SMPD3: variants seen among roughly 807,000 people sequenced by gnomAD.
SMPD3 encodes the protein sphingomyelin phosphodiesterase 3, also known as nSMase-2.
Under a neutral mutation model 55.7 loss-of-function variants are expected in SMPD3, and 21 were observed. The ratio of observed to expected loss-of-function variants is 0.38; its 90% CI spans 0.27 to 0.54. SMPD3 has a LOEUF of 0.54. Ranked by LOEUF, SMPD3 falls within the 20% of genes least tolerant of loss-of-function variation. The probability of loss-of-function intolerance (pLI) is 0.80; values close to 1 mark genes in which losing one functional copy is unlikely to be tolerated. For missense variants in SMPD3, 842 were observed against 899.6 expected (o/e 0.94, Z 0.82); for synonymous variants, 457 against 404.3 (o/e 1.13, Z -1.56).
intron 1 of SMPD3, among the ~76,000 whole-genome samples, chr16:68,398,785 G>A (rs893502630): frequency 6.6e-6 from 1 of 152,180 alleles, no homozygotes; most frequent in Non-Finnish European, 1.5e-5. Flanking sequence ...TGAGAAAAAC[G>A]TGGACCTATG....
At position 68,372,273 on chromosome 16, in the gene SMPD3, C is replaced by A; in HGVS notation, c.-92G>T. On this transcript the variant is annotated 5_prime_UTR_variant, in exon 3 of 9. Transcript: ENST00000219334. ...TGGGCGAGGGTGGGCGAGTTGGGGG[C>A]AGCTGGAGGAGGGGTCACCTCCTGG... 6.6e-7 allele frequency: 1 copy of A among 1,517,110 alleles called. No homozygotes were observed. Among genetic ancestry groups the A allele is most frequent in the South Asian group, 1.2e-5 (1 of 80,564 alleles). 94.0% of individuals were successfully genotyped at this position (1,517,110 alleles called of 1,614,324 possible).
chr16:68,440,990 A>G (rs1034982001), intron 1 of SMPD3, among the ~76,000 whole-genome samples: 4 of 152,204 alleles, frequency 2.6e-5, no homozygotes, highest in African/African-American at 9.7e-5. Flanking sequence ...TCTGCCAGAA[A>G]ATAGGGGCCG....
At chr16:68,396,689 C>G (rs890192890) in intron 1 of SMPD3, among the ~76,000 whole-genome samples, 2 of 152,214 alleles carry the variant, frequency 1.3e-5, no homozygotes, top group Non-Finnish European at 1.5e-5. Context: ...GCGGGCATGT[C>G]CATCACCAGA....
At chr16:68,385,994 G>A (rs1172731633) in intron 2 of SMPD3, among the ~76,000 whole-genome samples, 3 of 152,156 alleles carry the variant, frequency 2.0e-5, no homozygotes, top group Non-Finnish European at 4.4e-5. Flanking sequence ...AGGCCAAGGC[G>A]GGCAGATCGC....
rs576669246 is a variant in SMPD3 at position 68,360,786 on chromosome 16, C to T, written c.*420G>A. The T allele has an allele frequency of 3.2e-4, 55 of 171,762 alleles. No individual in the cohort carries two copies. Among genetic ancestry groups the T allele is most frequent in the African/African-American group, 1.1e-3 (47 of 41,950 alleles). 10.6% of individuals were successfully genotyped at this position (171,762 alleles called of 1,614,324 possible). ...AGGGGTCTGTGGCTACAGCGTGGCACGTGGCATGCGGGCAGCGTGCATGCG... is the reference window on the plus strand; with the variant it reads ...AGGGGTCTGTGGCTACAGCGTGGCATGTGGCATGCGGGCAGCGTGCATGCG... On this transcript the variant is annotated 3_prime_UTR_variant, in exon 9 of 9. Coordinates refer to ENST00000219334, the MANE Select transcript of SMPD3 (RefSeq NM_018667.4).
intron 1 of SMPD3, among the ~76,000 whole-genome samples, chr16:68,437,702 C>T (rs933797868): frequency 6.6e-6 from 1 of 152,236 alleles, no homozygotes; most frequent in Non-Finnish European, 1.5e-5. Flanking sequence ...CTTGCATCCT[C>T]CACAGAACTG....
intron 2 of SMPD3, among the ~76,000 whole-genome samples, chr16:68,372,591 T>G (rs1418543588): frequency 6.6e-6 from 1 of 152,212 alleles, no homozygotes; most frequent in East Asian, 1.9e-4. Context: ...GCTGTTCTCT[T>G]GGAGCGAATA....
At chr16:68,370,810 T>C (rs901153481) in intron 3 of SMPD3, 49 bp downstream of exon 3, 2 of 1,603,044 alleles carry the variant, frequency 1.2e-6, no homozygotes, top group African/African-American at 2.7e-5. Flanking sequence ...CCTACATGGC[T>C]CTAGGACCAG....
intron 1 of SMPD3, among the ~76,000 whole-genome samples, chr16:68,393,948 C>T (rs1270909657): frequency 1.3e-5 from 2 of 152,130 alleles, no homozygotes; most frequent in African/African-American, 2.4e-5. Context: ...CTCATTTTGT[C>T]TTTAATATTT....
chr16:68,377,244 G>T (rs999234864), intron 2 of SMPD3, among the ~76,000 whole-genome samples: 2 of 152,220 alleles, frequency 1.3e-5, no homozygotes, highest in African/African-American at 4.8e-5. Context: ...TCCATGGTTT[G>T]CAGGTTGACC....
chr16:68,372,688 A>G (rs1358800363), intron 2 of SMPD3, among the ~76,000 whole-genome samples: 1 of 152,232 alleles, frequency 6.6e-6, no homozygotes, highest in African/African-American at 2.4e-5. Flanking sequence ...AGAGACTTAC[A>G]GATTTGTGGG....
chr16:68,423,425 T>C (rs949780710), intron 1 of SMPD3, among the ~76,000 whole-genome samples: 1 of 152,146 alleles, frequency 6.6e-6, no homozygotes, highest in African/African-American at 2.4e-5. Context: ...GGATCCATGA[T>C]GGGGCTGGCG....
At position 68,430,256 on chromosome 16, in the gene SMPD3, A is replaced by G. The variant is rs143068873; in HGVS notation, c.-269+18097T>C. Among the ~76,000 whole-genome samples, 594 of 151,850 alleles carry G rather than the reference A, an allele frequency of 3.9e-3. 7 individuals are homozygous for G. Among genetic ancestry groups the G allele is most frequent in the African/African-American group, 0.013 (552 of 41,366 alleles). ...CCACCAAAGTTTCTCTTTCTCCTTAATAATGCATAGGATAACACACAGGCC... is the reference window on the plus strand; with the variant it reads ...CCACCAAAGTTTCTCTTTCTCCTTAGTAATGCATAGGATAACACACAGGCC... On this transcript the variant is annotated intron_variant, in intron 1 of 8. Coordinates refer to ENST00000219334, the MANE Select transcript of SMPD3 (RefSeq NM_018667.4).
At position 68,361,178 on chromosome 16, in the gene SMPD3, T is replaced by C; in HGVS notation, c.*28A>G. 6.3e-7 allele frequency: 1 copy of C among 1,596,026 alleles called. No homozygotes were observed. The highest frequency in any genetic ancestry group is 8.6e-7 in the Non-Finnish European group (1 of 1,166,088). ...AGGGATGGGCTGCAGCTGCAAGGGC[T>C]GGCAGAGGCCCCGCTGCTCCGGACG... On this transcript the variant is annotated 3_prime_UTR_variant, in exon 9 of 9. Coordinates refer to ENST00000219334, the MANE Select transcript of SMPD3 (RefSeq NM_018667.4).
At chr16:68,395,590 A>AG (rs2090148837) in intron 1 of SMPD3, among the ~76,000 whole-genome samples, 1 of 152,350 alleles carries the variant, frequency 6.6e-6, no homozygotes, top group Admixed American at 6.5e-5. Context: ...GGGGCAGGTG[A>AG]GCTCAGGCCT....
rs1035457010 is a variant in SMPD3, at chr16:68,431,952, C to A, written c.-269+16401G>T. ...AACAAAACAAAACAAAACAAAAAAACCCAAAACCAAAAATTAGCTGGGTGT... is the reference window on the plus strand; with the variant it reads ...AACAAAACAAAACAAAACAAAAAAAACCAAAACCAAAAATTAGCTGGGTGT... On this transcript the variant is annotated intron_variant, in intron 1 of 8. Coordinates refer to ENST00000219334, the MANE Select transcript of SMPD3 (RefSeq NM_018667.4). Among the ~76,000 whole-genome samples the A allele has an allele frequency of 8.7e-5, 13 of 149,510 alleles. 1 individual carries two copies. Among genetic ancestry groups the A allele is most frequent in the African/African-American group, 3.2e-4 (13 of 40,524 alleles).
intron 2 of SMPD3, among the ~76,000 whole-genome samples, chr16:68,375,229 T>C (rs1368849100): frequency 6.9e-6 from 1 of 144,008 alleles, no homozygotes; most frequent in Admixed American, 6.9e-5. Flanking sequence ...TCTCACTGTC[T>C]TGGGGGACAA....
chr16:68,367,092 T>TG (rs2089503450), intron 3 of SMPD3, among the ~76,000 whole-genome samples: 1 of 151,812 alleles, frequency 6.6e-6, no homozygotes, highest in Non-Finnish European at 1.5e-5. Context: ...CCCTTGGACC[T>TG]GGGGGGCGGA....
chr16:68,399,649 G>C (rs1490394461), intron 1 of SMPD3, among the ~76,000 whole-genome samples: 1 of 152,184 alleles, frequency 6.6e-6, no homozygotes, highest in Non-Finnish European at 1.5e-5. Context: ...TGGGTGGGGA[G>C]GAAGGAAGAA....
Sources: gnomAD v4.1 joint callset for allele counts (sites outside exome capture counted in the v4.1 genomes callset) on GRCh38, gnomAD v4.1.1 for gene constraint, MANE v1.5 for transcripts, NCBI Gene and HGNC (gene_info 2026-07-23, HGNC 2026-07-21) for gene names.